The following CADM2 variants were observed in gnomAD, a reference collection of about 807,000 sequenced individuals.
CADM2 encodes cell adhesion molecule 2, also known as immunoglobulin superfamily member 4D.
In CADM2, 12 loss-of-function variants were observed where a neutral mutation model predicts 49.8. The ratio of observed to expected loss-of-function variants is 0.24; its 90% CI spans 0.15 to 0.39. The LOEUF (loss-of-function observed/expected upper bound fraction) is 0.39, where lower values mean the gene tolerates loss of function less well. Among genes scored for constraint, CADM2 ranks in the 10% least tolerant of loss-of-function variants. The pLI, the probability that CADM2 is intolerant of heterozygous loss-of-function variation, is 1.00. For missense variants in CADM2, 378 were observed against 492.3 expected, an observed-to-expected ratio of 0.77 and a Z score of 2.20; for synonymous variants, 214 against 175.4, an observed-to-expected ratio of 1.22 and a Z score of -1.74.
chr3:85,344,842 A>G (rs1196741810), intron 1 of CADM2, among the ~76,000 whole-genome samples: 1 of 152,106 alleles, frequency 6.6e-6, no homozygotes, highest in Non-Finnish European at 1.5e-5. Context: ...ATTCTTTCAG[A>G]TAAGAAAGCC....
chr3:85,264,639 G>T (rs952630055), intron 1 of CADM2, among the ~76,000 whole-genome samples: 2 of 151,898 alleles, frequency 1.3e-5, no homozygotes, highest in Admixed American at 6.6e-5. Context: ...CAATTAATTT[G>T]TGCTAGCAGA....
At chr3:85,443,290 T>C (rs1361492924) in intron 1 of CADM2, among the ~76,000 whole-genome samples, 4 of 152,120 alleles carry the variant, frequency 2.6e-5, no homozygotes, top group Non-Finnish European at 5.9e-5. Flanking sequence ...CAGGAAAACA[T>C]ACTTTGCTGA....
At chr3:86,063,618 A>G (rs903441068) in intron 8 of CADM2, among the ~76,000 whole-genome samples, 1 of 152,100 alleles carries the variant, frequency 6.6e-6, no homozygotes, top group East Asian at 1.9e-4. Context: ...CAGCAAGTTT[A>G]GGTGTCTAGA....
chr3:86,062,856 C>G (rs1048035421), intron 8 of CADM2, among the ~76,000 whole-genome samples: 1 of 150,978 alleles, frequency 6.6e-6, no homozygotes, highest in East Asian at 2.0e-4. Context: ...TTTACTTACT[C>G]CTTTGACTCT....
At chr3:85,194,997 T>C (rs2041307183) in intron 1 of CADM2, among the ~76,000 whole-genome samples, 1 of 152,062 alleles carries the variant, frequency 6.6e-6, no homozygotes, top group South Asian at 2.1e-4. Flanking sequence ...TGCATGCTAT[T>C]GTGCCTGGCT....
At chr3:85,708,869 G>A (rs1013007139) in intron 1 of CADM2, among the ~76,000 whole-genome samples, 4 of 151,934 alleles carry the variant, frequency 2.6e-5, no homozygotes, top group African/African-American at 9.7e-5. Flanking sequence ...TTTTTAAAAA[G>A]GTTGTATGTG....
chr3:85,072,746 T>A (rs1180407211), intron 1 of CADM2, among the ~76,000 whole-genome samples: 1 of 152,114 alleles, frequency 6.6e-6, no homozygotes, highest in African/African-American at 2.4e-5. Flanking sequence ...ATAAAAATTT[T>A]AAATTCTATT....
chr3:85,380,844 A>G (rs1253055700), intron 1 of CADM2, among the ~76,000 whole-genome samples: 1 of 152,076 alleles, frequency 6.6e-6, no homozygotes, highest in East Asian at 1.9e-4. Context: ...TAAAAAGTAT[A>G]TCATAGATTT....
chr3:85,759,008 A>G (rs1044603487), intron 2 of CADM2, among the ~76,000 whole-genome samples: 12 of 152,112 alleles, frequency 7.9e-5, no homozygotes, highest in Non-Finnish European at 1.8e-4. Context: ...AAATGATAAT[A>G]AGAAATAATG....
At chr3:85,728,073 A>C (rs375336638) in intron 2 of CADM2, among the ~76,000 whole-genome samples, 1 of 152,168 alleles carries the variant, frequency 6.6e-6, no homozygotes, top group East Asian at 1.9e-4. Context: ...AAAACAATGG[A>C]AAATAATTTG....
intron 5 of CADM2, among the ~76,000 whole-genome samples, chr3:85,888,587 CATCT>C (rs371773257): frequency 1.6e-4 from 24 of 152,270 alleles, no homozygotes; most frequent in African/African-American, 5.3e-4. Context: ...TCTACACTTG[CATCT>C]ATCTATCTGT....
At chr3:85,610,189 G>A (rs534887558) in intron 1 of CADM2, among the ~76,000 whole-genome samples, 102 of 151,924 alleles carry the variant, frequency 6.7e-4, no homozygotes, top group Non-Finnish European at 5.3e-4. Context: ...ACTTCGAAGA[G>A]TAAATAAAAC....
chr3:85,781,047 G>T (rs142434235), intron 2 of CADM2, among the ~76,000 whole-genome samples: 43 of 152,228 alleles, frequency 2.8e-4, no homozygotes, highest in African/African-American at 1.0e-3. Context: ...AAAGCAGATG[G>T]CTGGCAACTA....
intron 3 of CADM2, among the ~76,000 whole-genome samples, chr3:85,815,179 G>C (rs1373171849): frequency 1.3e-5 from 2 of 152,054 alleles, no homozygotes; most frequent in African/African-American, 4.8e-5. Context: ...AAAAGGAGCT[G>C]GTACCATTCC....
chr3:85,539,756 G>C (rs181518759), intron 1 of CADM2, among the ~76,000 whole-genome samples: 16 of 152,162 alleles, frequency 1.1e-4, no homozygotes, highest in African/African-American at 3.6e-4. Flanking sequence ...TTTTCAGCTT[G>C]AGCAACTTGG....
chr3:85,912,252 C>A, intron 5 of CADM2, 121 bp from the exon 6 acceptor site: 1 of 664,244 alleles, frequency 1.5e-6, no homozygotes, highest in Non-Finnish European at 2.5e-6. Flanking sequence ...GTTAAAATCA[C>A]AAATATTTGC....
chr3:85,370,258 A>AATAATC (rs1298296185), intron 1 of CADM2, among the ~76,000 whole-genome samples: 2 of 147,426 alleles, frequency 1.4e-5, no homozygotes, highest in Non-Finnish European at 3.0e-5. Flanking sequence ...TAATAATAAT[A>AATAATC]AAATTTTAAA....
intron 1 of CADM2, among the ~76,000 whole-genome samples, chr3:85,368,739 T>C (rs1425529688): frequency 6.6e-6 from 1 of 152,120 alleles, no homozygotes; most frequent in East Asian, 1.9e-4. Context: ...AATAATACGT[T>C]TCTAACTATT....
chr3:85,223,765 C>G (rs967484290), intron 1 of CADM2, among the ~76,000 whole-genome samples: 1 of 152,024 alleles, frequency 6.6e-6, no homozygotes, highest in African/African-American at 2.4e-5. Context: ...CCCCACTCCC[C>G]CAACAAGCCC....
Sources: gnomAD v4.1 joint callset for allele counts (sites outside exome capture counted in the v4.1 genomes callset) on GRCh38, gnomAD v4.1.1 for gene constraint, MANE v1.5 for transcripts, NCBI Gene and HGNC (gene_info 2026-07-23, HGNC 2026-07-21) for gene names.